Variants in SMC6 observed in about 807,000 individuals in gnomAD.
The protein encoded by SMC6 is structural maintenance of chromosomes protein 6.
In SMC6, 79 loss-of-function variants were observed where a neutral mutation model predicts 142.2. That is an observed-to-expected ratio of 0.56 (90% confidence interval 0.46 to 0.67). The LOEUF is 0.67. Ranked by LOEUF, SMC6 falls within the 30% of genes least tolerant of loss-of-function variation. The pLI is 0.00. For synonymous variants in SMC6, 411 were observed against 412.4 expected, an observed-to-expected ratio of 1.00 and a Z score of 0.04; for missense variants, 1,072 against 1,284.0, an observed-to-expected ratio of 0.83 and a Z score of 2.52.
In SMC6 at chr2:17,703,286, C is replaced by T. The variant is rs1303415297; in HGVS notation, c.2013G>A (p.Leu671=). The change falls in exon 19 of 28, where the codon TTG becomes TTA. Residue 671 remains leucine (L), a synonymous_variant. Coordinates refer to ENST00000448223, the MANE Select transcript of SMC6 (RefSeq NM_001142286.2). Reference sequence around the variant, plus strand: ...CCGTCTTATTTTCAACCTCATTCTCCAAGTCACTTGATAGGAAAGGAGAAG... The same window carrying T: ...CCGTCTTATTTTCAACCTCATTCTCTAAGTCACTTGATAGGAAAGGAGAAG... ...SRDVDSEISD[L]ENEVENKTAQ... 1.3e-6 allele frequency: 2 copies of T among 1,599,152 alleles called. No individual in the cohort carries two copies. Among genetic ancestry groups the T allele is most frequent in the Admixed American group, 3.6e-5 (2 of 56,296 alleles).
chr2:17,738,155 G>A lies in SMC6; in HGVS notation c.344+66C>T, dbSNP rs192745064. ...ATTTCCAGTCATGTCTATGTGAACT[G>A]GGAATCTAAAGTAACTGTTTTCTTA... On this transcript the variant is annotated intron_variant, in intron 5 of 27. Transcript: ENST00000448223. 2,333 of 1,174,896 alleles carry A rather than the reference G, an allele frequency of 2.0e-3. 6 individuals carry two copies. Among genetic ancestry groups the A allele is most frequent in the Middle Eastern group, 3.3e-3 (17 of 5,138 alleles). 72.8% of individuals were successfully genotyped at this position (1,174,896 alleles called of 1,614,324 possible).
At chr2:17,718,391 T>C (rs2125005352) in intron 11 of SMC6, among the ~76,000 whole-genome samples, 168 bp from the exon 12 acceptor site, 1 of 152,356 alleles carries the variant, frequency 6.6e-6, no homozygotes, top group East Asian at 1.9e-4. Context: ...AATTTGATCT[T>C]AACCCACAGT....
At chr2:17,713,123 T>G (rs1160576804) in intron 16 of SMC6, among the ~76,000 whole-genome samples, 1 of 152,196 alleles carries the variant, frequency 6.6e-6, no homozygotes. Context: ...AACAAAACAC[T>G]CAACTGCTTC....
chr2:17,674,920 G>A (rs975636577), intron 25 of SMC6, among the ~76,000 whole-genome samples: 6 of 152,054 alleles, frequency 3.9e-5, no homozygotes, highest in Admixed American at 1.3e-4. Context: ...TATTTAAGGT[G>A]TATTTTGATA....
rs376502681 is a variant in SMC6 at position 17,707,320 on chromosome 2, T to C, written c.1905A>G (p.Glu635=). 3 of 1,603,404 alleles carry C rather than the reference T, an allele frequency of 1.9e-6. No individual in the cohort carries two copies. Among genetic ancestry groups the C allele is most frequent in the African/African-American group, 2.7e-5 (2 of 74,408 alleles). The change falls in exon 18 of 28, where the codon GAA becomes GAG. Residue 635 remains glutamate, a synonymous_variant. Transcript: ENST00000448223. The part of the protein sequence containing the change: ...QSQKPPKNCR[E]AFTADGDQVF... ...CTTGATCACCATCAGCAGTAAAAGC[T>C]TCTCTACAATTTTTGGGTGGCTTTT... is the stretch of plus-strand genomic sequence containing the variant.
chr2:17,716,966 A>G, intron 13 of SMC6, 61 bp from the exon 14 acceptor site: 1 of 1,544,472 alleles, frequency 6.5e-7, no homozygotes, highest in Non-Finnish European at 8.7e-7. Flanking sequence ...ACATTTAAAG[A>G]ACACAAACCG....
At chr2:17,696,169 A>G in intron 22 of SMC6, 120 bp downstream of exon 22, 1 of 1,274,324 alleles carries the variant, frequency 7.8e-7, no homozygotes, top group Non-Finnish European at 1.1e-6. Flanking sequence ...CTATTACTCT[A>G]TATGAAACAG....
intron 23 of SMC6, among the ~76,000 whole-genome samples, chr2:17,691,233 TACAC>T (rs138226968): frequency 0.032 from 3,959 of 123,148 alleles, 68 homozygotes; most frequent in Middle Eastern, 0.047. Flanking sequence ...AAAATGTGTA[TACAC>T]ACACACACAC....
At chr2:17,723,221 T>G (rs1572331457) in intron 9 of SMC6, among the ~76,000 whole-genome samples, 1 of 152,186 alleles carries the variant, frequency 6.6e-6, no homozygotes, top group African/African-American at 2.4e-5. Context: ...ATCCTTAACT[T>G]AAGCCATCAT....
intron 18 of SMC6, among the ~76,000 whole-genome samples, chr2:17,706,623 C>CA (rs1668524622): frequency 6.6e-6 from 1 of 152,112 alleles, no homozygotes; most frequent in African/African-American, 2.4e-5. Context: ...ATCAATTCAT[C>CA]AACTGAATGA....
intron 23 of SMC6, among the ~76,000 whole-genome samples, chr2:17,691,112 T>C (rs1000569303): frequency 2.0e-5 from 3 of 151,376 alleles, no homozygotes; most frequent in African/African-American, 7.3e-5. Flanking sequence ...GAAATATCTA[T>C]GTACCAACAT....
chr2:17,727,185 C>T (rs531235839), intron 7 of SMC6, among the ~76,000 whole-genome samples: 2 of 152,156 alleles, frequency 1.3e-5, no homozygotes, highest in South Asian at 4.2e-4. Context: ...GGGTGTGTTC[C>T]CGAGGGTATT....
At chr2:17,672,794 A>T (rs1666825064) in intron 25 of SMC6, among the ~76,000 whole-genome samples, 1 of 152,202 alleles carries the variant, frequency 6.6e-6, no homozygotes, top group African/African-American at 2.4e-5. Flanking sequence ...TCATTACGGA[A>T]CAGTATGTCG....
chr2:17,723,096 T>C (rs1669454495), intron 9 of SMC6, among the ~76,000 whole-genome samples: 1 of 151,994 alleles, frequency 6.6e-6, no homozygotes, highest in African/African-American at 2.4e-5. Context: ...ACTAAAGTAA[T>C]TAATCTGGAG....
chr2:17,751,814 T>G (rs1024242528), intron 2 of SMC6, among the ~76,000 whole-genome samples: 2 of 152,244 alleles, frequency 1.3e-5, no homozygotes, highest in Admixed American at 1.3e-4. Flanking sequence ...CACGGTAAAA[T>G]TTTGAGTTAC....
chr2:17,739,796 C>T lies in SMC6; in HGVS notation c.239-1470G>A, dbSNP rs556538887. ...CCAGTGTAGTCCAGCCTGGGTGACC[C>T]GGAGAGAGAGATCCTTTCTCTTTAA... On this transcript the variant is annotated intron_variant, in intron 4 of 27. Transcript: ENST00000448223. Among the ~76,000 whole-genome samples the T allele has an allele frequency of 4.0e-5, 6 of 148,528 alleles. No individual in the cohort carries two copies. The South Asian group carries it at 8.5e-4, about 21-fold the overall frequency.
chr2:17,736,284 G>GA (rs1670147905), intron 5 of SMC6, among the ~76,000 whole-genome samples: 1 of 151,996 alleles, frequency 6.6e-6, no homozygotes, highest in South Asian at 2.1e-4. Context: ...TACTGGAAAA[G>GA]AAAAAATAAA....
intron 25 of SMC6, among the ~76,000 whole-genome samples, chr2:17,671,249 A>G (rs1345215185): frequency 1.3e-5 from 2 of 152,120 alleles, no homozygotes; most frequent in African/African-American, 4.8e-5. Flanking sequence ...CTAGTGGTTA[A>G]GCTGCATTAA....
chr2:17,746,955 T>C (rs1275602019), intron 2 of SMC6, among the ~76,000 whole-genome samples: 2 of 152,168 alleles, frequency 1.3e-5, no homozygotes, highest in Non-Finnish European at 2.9e-5. Context: ...ACCCTCTCCA[T>C]ACCATGTATA....
Sources: allele counts gnomAD v4.1 joint callset (sites outside exome capture counted in the v4.1 genomes callset), GRCh38; gene constraint gnomAD v4.1.1; transcripts MANE v1.5; gene names NCBI Gene and HGNC (gene_info 2026-07-23, HGNC 2026-07-21).